The following TPRG1 variants were observed in gnomAD, a reference collection of about 807,000 sequenced individuals.
The protein encoded by TPRG1 is tumor protein p63-regulated gene 1 protein.
A neutral mutation model predicts 29.3 loss-of-function variants in TPRG1; 29 were observed. That is an observed-to-expected ratio of 0.99 (90% CI 0.74 to 1.35). The LOEUF (loss-of-function observed/expected upper bound fraction) is 1.35. Ranked by LOEUF, TPRG1 falls within the 40% of genes most tolerant of loss-of-function variation. TPRG1 has a pLI of 0.00. For missense variants in TPRG1, 327 were observed against 335.0 expected (o/e 0.98, Z 0.19); for synonymous variants, 130 against 116.8 (o/e 1.11, Z -0.73).
intron 1 of TPRG1, among the ~76,000 whole-genome samples, chr3:189,206,097 TTTCC>T (rs1734321586): frequency 1.3e-5 from 2 of 150,798 alleles, no homozygotes; most frequent in African/African-American, 4.9e-5. Flanking sequence ...TCTTTCTTTC[TTTCC>T]TTCTTTCTTT....
At chr3:189,289,429 A>G (rs1182451279) in intron 4 of TPRG1, among the ~76,000 whole-genome samples, 4 of 150,564 alleles carry the variant, frequency 2.7e-5, no homozygotes, top group Admixed American at 6.6e-5. Context: ...TCTTGCTTCA[A>G]TGATTTTGAT....
intron 2 of TPRG1, among the ~76,000 whole-genome samples, chr3:189,213,173 G>A (rs1002435432): frequency 2.9e-5 from 4 of 140,270 alleles, no homozygotes; most frequent in Admixed American, 2.2e-4. Context: ...TTATTAATCA[G>A]TATTTACCAT....
chr3:189,000,613 G>A (rs1711975119), intron 1 of TPRG1, among the ~76,000 whole-genome samples: 1 of 151,898 alleles, frequency 6.6e-6, no homozygotes, highest in African/African-American at 2.4e-5. Context: ...ACATGTGTGT[G>A]GCTCTGTTTT....
intron 4 of TPRG1, among the ~76,000 whole-genome samples, chr3:189,286,601 A>C (rs1718100086): frequency 6.6e-6 from 1 of 152,158 alleles, no homozygotes; most frequent in Non-Finnish European, 1.5e-5. Context: ...GGACTGAGAG[A>C]TACTAGTCAG....
At chr3:188,998,079 T>G (rs754131932) in intron 1 of TPRG1, among the ~76,000 whole-genome samples, 8 of 152,238 alleles carry the variant, frequency 5.3e-5, no homozygotes, top group Non-Finnish European at 1.0e-4. Flanking sequence ...CGATTTTAGG[T>G]GCTGGGAATT....
chr3:188,999,023 T>A lies in TPRG1; in HGVS notation c.-1015-1751T>A, dbSNP rs571576630. On this transcript the variant is annotated intron_variant, in intron 1 of 10. Transcript: ENST00000433971. ...GGTTTGAGGTGATGAGTATCCTAAT[T>A]ACCCATATTTGGTCATTACAATTAT... Among the ~76,000 whole-genome samples the A allele has an allele frequency of 2.0e-5, 3 of 152,336 alleles. No homozygotes were observed. The South Asian group carries it at 6.2e-4, about 32-fold the overall frequency.
At position 189,187,913 on chromosome 3, in the gene TPRG1, T is replaced by G. The variant is rs146041292; in HGVS notation, c.-10+15782T>G. ...AAACATTTGTGTCTTTGAGTTGTAG[T>G]GAATAATCTTGATATATCACCCACA... On this transcript the variant is annotated intron_variant, in intron 1 of 5. Transcript: ENST00000345063. Among the ~76,000 whole-genome samples, 256 of 152,280 alleles carry G rather than the reference T, an allele frequency of 1.7e-3. 1 individual carries two copies. The highest frequency in any genetic ancestry group is 5.8e-3 in the African/African-American group (242 of 41,566).
At chr3:189,272,113 G>A (rs1431039803) in intron 4 of TPRG1, among the ~76,000 whole-genome samples, 1 of 152,136 alleles carries the variant, frequency 6.6e-6, no homozygotes, top group Non-Finnish European at 1.5e-5. Flanking sequence ...AGTTCTTGAT[G>A]GGAAAAACAC....
At chr3:189,169,330 A>G (rs918348110), upstream of TPRG1, among the ~76,000 whole-genome samples, 1 of 151,976 alleles carries the variant, frequency 6.6e-6, no homozygotes, top group African/African-American at 2.4e-5. Flanking sequence ...GCGCCCGGCT[A>G]ATTTTTGTAT....
chr3:189,299,845 G>A (rs1021915024), intron 4 of TPRG1, among the ~76,000 whole-genome samples: 4 of 152,190 alleles, frequency 2.6e-5, no homozygotes, highest in African/African-American at 7.2e-5. Flanking sequence ...GGCTCAGGAA[G>A]TGGAATGGTT....
chr3:189,137,311 T>C, intron 3 of TPRG1, among the ~76,000 whole-genome samples: 1 of 148,688 alleles, frequency 6.7e-6, no homozygotes, highest in East Asian at 2.0e-4. Flanking sequence ...TGTGTGTGTG[T>C]GTGTGTGTGT....
chr3:189,129,835 G>A (rs995159308), intron 2 of TPRG1, among the ~76,000 whole-genome samples: 1 of 152,136 alleles, frequency 6.6e-6, no homozygotes, highest in Non-Finnish European at 1.5e-5. Context: ...AGTGGAAGGA[G>A]TATGAAAATA....
chr3:189,180,601 C>G (rs1265237801), intron 1 of TPRG1, among the ~76,000 whole-genome samples: 13 of 152,212 alleles, frequency 8.5e-5, no homozygotes. Context: ...CCAGGTCACA[C>G]TGATGCAAGA....
At chr3:189,300,052 A>T (rs564314819) in intron 4 of TPRG1, among the ~76,000 whole-genome samples, 2 of 152,238 alleles carry the variant, frequency 1.3e-5, no homozygotes, top group Admixed American at 1.3e-4. Context: ...AAGAGAGACC[A>T]CACATAAAAA....
At chr3:189,083,618 T>C (rs1172354114) in intron 4 of TPRG1, among the ~76,000 whole-genome samples, 2 of 152,174 alleles carry the variant, frequency 1.3e-5, no homozygotes, top group Non-Finnish European at 2.9e-5. Flanking sequence ...GTCTCAAAGG[T>C]TCCTCCTAGG....
chr3:188,998,133 T>C (rs182975577), intron 1 of TPRG1, among the ~76,000 whole-genome samples: 296 of 135,244 alleles, frequency 2.2e-3, no homozygotes, highest in Non-Finnish European at 3.5e-3. Flanking sequence ...ATGAAACTTA[T>C]GTTCTTATGG....
At chr3:189,172,843 T>C (rs1728992699) in intron 1 of TPRG1, among the ~76,000 whole-genome samples, 1 of 152,202 alleles carries the variant, frequency 6.6e-6, no homozygotes, top group Non-Finnish European at 1.5e-5. Flanking sequence ...AAGCAGGTTT[T>C]AATTCGGGGC....
chr3:189,078,129 CTTTCTTTCCTTTCT>C (rs1560430910), intron 4 of TPRG1, among the ~76,000 whole-genome samples: 1 of 86,236 alleles, frequency 1.2e-5, no homozygotes, highest in Non-Finnish European at 2.7e-5. Context: ...TTCTTTCTTT[CTTTCTTTCCTTTCT>C]TTTTTTTTTT....
chr3:189,259,008 C>A (rs1373359361), intron 4 of TPRG1, among the ~76,000 whole-genome samples: 1 of 152,146 alleles, frequency 6.6e-6, no homozygotes, highest in African/African-American at 2.4e-5. Context: ...CTAGAGTGAA[C>A]AGTTCTGTCT....
Sources: allele counts gnomAD v4.1 joint callset (sites outside exome capture counted in the v4.1 genomes callset), GRCh38; gene constraint gnomAD v4.1.1; transcripts MANE v1.5; gene names NCBI Gene and HGNC (gene_info 2026-07-23, HGNC 2026-07-21).